The following CFAP299 variants were observed in gnomAD, a reference collection of about 807,000 sequenced individuals.
CFAP299 encodes cilia and flagella associated protein 299.
A neutral mutation model predicts 27.0 loss-of-function variants in CFAP299; 21 were observed. The ratio of observed to expected loss-of-function variants is 0.78; its 90% CI spans 0.55 to 1.12. The LOEUF is 1.12. Among genes scored for constraint, CFAP299 ranks in the 50% most tolerant of loss-of-function variants. CFAP299 has a pLI of 0.00. For missense variants in CFAP299, 310 were observed against 276.6 expected, an observed-to-expected ratio of 1.12 and a Z score of -0.86; for synonymous variants, 104 against 98.1, an observed-to-expected ratio of 1.06 and a Z score of -0.36.
chr4:80,364,776 C>T (rs946301307), intron 2 of CFAP299, among the ~76,000 whole-genome samples: 4 of 152,152 alleles, frequency 2.6e-5, no homozygotes. Flanking sequence ...TTGACAGGCT[C>T]ACTGTGTGTC....
chr4:80,431,918 G>C (rs1258933229), intron 2 of CFAP299, among the ~76,000 whole-genome samples: 1 of 152,166 alleles, frequency 6.6e-6, no homozygotes, highest in African/African-American at 2.4e-5. Flanking sequence ...CTGTGATACT[G>C]TGCTACTTTC....
chr4:80,551,735 T>A (rs969366194), intron 2 of CFAP299, among the ~76,000 whole-genome samples: 2 of 151,982 alleles, frequency 1.3e-5, no homozygotes, highest in African/African-American at 4.8e-5. Context: ...AAGCTTTCCA[T>A]GTAAGTGATA....
intron 3 of CFAP299, among the ~76,000 whole-genome samples, chr4:80,802,340 G>T (rs539483119): frequency 6.6e-6 from 1 of 152,122 alleles, no homozygotes; most frequent in East Asian, 1.9e-4. Flanking sequence ...CAGTGTGTGG[G>T]TGCTTTGAGT....
intron 2 of CFAP299, among the ~76,000 whole-genome samples, chr4:80,485,885 A>G (rs956614812): frequency 1.3e-5 from 2 of 152,180 alleles, no homozygotes; most frequent in Non-Finnish European, 2.9e-5. Flanking sequence ...CTAATAATCT[A>G]GATTTAATTT....
chr4:80,387,311 A>G, intron 2 of CFAP299: 2 of 1,609,674 alleles, frequency 1.2e-6, no homozygotes, highest in Non-Finnish European at 1.7e-6. Context: ...GAGCTTTGGG[A>G]ACGTTTGGGC....
intron 3 of CFAP299, among the ~76,000 whole-genome samples, chr4:80,783,091 G>C (rs1424984666): frequency 4.6e-5 from 7 of 152,090 alleles, no homozygotes; most frequent in African/African-American, 7.2e-5. Context: ...GCTTATTTGA[G>C]TAATTCTGGC....
At chr4:80,612,633 C>T (rs1738051455) in intron 3 of CFAP299, among the ~76,000 whole-genome samples, 1 of 151,970 alleles carries the variant, frequency 6.6e-6, no homozygotes, top group East Asian at 1.9e-4. Context: ...CCAAACTATC[C>T]TTTTATTAAA....
At chr4:80,526,125 T>A (rs543697021) in intron 2 of CFAP299, among the ~76,000 whole-genome samples, 2 of 152,154 alleles carry the variant, frequency 1.3e-5, no homozygotes, top group Non-Finnish European at 2.9e-5. Context: ...TACCTCACAA[T>A]TCCTTTTGGC....
chr4:80,498,498 C>T (rs1006726691), intron 2 of CFAP299, among the ~76,000 whole-genome samples: 3 of 151,796 alleles, frequency 2.0e-5, no homozygotes, highest in Non-Finnish European at 4.4e-5. Context: ...AAAAAATGCT[C>T]AACATTAATC....
chr4:80,584,714 G>T (rs1044049416), intron 3 of CFAP299, among the ~76,000 whole-genome samples: 1 of 151,868 alleles, frequency 6.6e-6, no homozygotes, highest in African/African-American at 2.4e-5. Context: ...AAACCCATGA[G>T]CCTACTGATT....
At position 80,471,781 on chromosome 4, in the gene CFAP299, A is replaced by G. The variant is rs529809279; in HGVS notation, c.242+108897A>G. On this transcript the variant is annotated intron_variant, in intron 2 of 5. Transcript: ENST00000358105. ...AAATGATATATTTTTGAAATTTAGCATTCAGACTCCACAGCGTGACTGCCA... is the reference window on the plus strand; with the variant it reads ...AAATGATATATTTTTGAAATTTAGCGTTCAGACTCCACAGCGTGACTGCCA... Among the ~76,000 whole-genome samples the G allele has an allele frequency of 2.9e-4, 44 of 152,302 alleles. 1 individual carries two copies. The highest frequency in any genetic ancestry group is 1.0e-3 in the African/African-American group (43 of 41,570).
At chr4:80,564,863 C>T (rs1280287745) in intron 2 of CFAP299, among the ~76,000 whole-genome samples, 1 of 151,668 alleles carries the variant, frequency 6.6e-6, no homozygotes, top group Non-Finnish European at 1.5e-5. Flanking sequence ...TATATGCAAA[C>T]AATGAACAAT....
chr4:80,795,721 A>T (rs1233041644), intron 3 of CFAP299, among the ~76,000 whole-genome samples: 5 of 152,154 alleles, frequency 3.3e-5, no homozygotes, highest in African/African-American at 9.7e-5. Flanking sequence ...CTTTATGTCT[A>T]GTTGAGTCAG....
intron 2 of CFAP299, among the ~76,000 whole-genome samples, chr4:80,547,956 A>G (rs1199877308): frequency 2.0e-5 from 3 of 152,200 alleles, no homozygotes; most frequent in Non-Finnish European, 2.9e-5. Flanking sequence ...CCACTGTGGA[A>G]TACAATTTAG....
chr4:80,942,770 C>T (rs1737264402), intron 4 of CFAP299, among the ~76,000 whole-genome samples: 1 of 152,132 alleles, frequency 6.6e-6, no homozygotes, highest in Admixed American at 6.6e-5. Flanking sequence ...TTATCTATAT[C>T]TATATATCTC....
chr4:80,838,661 T>C (rs534470650), intron 3 of CFAP299, among the ~76,000 whole-genome samples: 5 of 152,296 alleles, frequency 3.3e-5, no homozygotes, highest in African/African-American at 1.2e-4. Flanking sequence ...TTTTGGTTAA[T>C]GTAGCCTTAT....
At chr4:80,400,706 G>C (rs542260832) in intron 2 of CFAP299, among the ~76,000 whole-genome samples, 1 of 152,224 alleles carries the variant, frequency 6.6e-6, no homozygotes. Context: ...CAGTAAATTT[G>C]TACCAGTAAA....
chr4:80,687,020 G>C (rs187744758), intron 3 of CFAP299, among the ~76,000 whole-genome samples: 9 of 152,208 alleles, frequency 5.9e-5, no homozygotes, highest in African/African-American at 2.2e-4. Flanking sequence ...TTCTTCCTTA[G>C]AAAACATTTT....
intron 3 of CFAP299, among the ~76,000 whole-genome samples, chr4:80,733,192 T>C (rs879391559): frequency 2.6e-5 from 4 of 152,130 alleles, no homozygotes; most frequent in Admixed American, 6.6e-5. Context: ...AAATAAACTT[T>C]TAATGAACTA....
Sources: gnomAD v4.1 joint callset for allele counts (sites outside exome capture counted in the v4.1 genomes callset) on GRCh38, gnomAD v4.1.1 for gene constraint, MANE v1.5 for transcripts, NCBI Gene and HGNC (gene_info 2026-07-23, HGNC 2026-07-21) for gene names.